The following CADPS2 variants were observed in gnomAD, a reference collection of about 807,000 sequenced individuals.
The protein encoded by CADPS2 is calcium dependent secretion activator 2.
In CADPS2, 93 loss-of-function variants were observed where a neutral mutation model predicts 172.5. The ratio of observed to expected loss-of-function variants is 0.54; its 90% CI spans 0.46 to 0.64. The LOEUF is 0.64. Ranked by LOEUF, CADPS2 falls within the 30% of genes least tolerant of loss-of-function variation. The pLI, the probability that CADPS2 is intolerant of heterozygous loss-of-function variation, is 0.00. For synonymous variants in CADPS2, 546 were observed against 555.2 expected, an observed-to-expected ratio of 0.98 and a Z score of 0.23; for missense variants, 1,420 against 1,565.9, an observed-to-expected ratio of 0.91 and a Z score of 1.57.
intron 6 of CADPS2, among the ~76,000 whole-genome samples, chr7:122,597,211 G>T (rs1038078658): frequency 6.6e-6 from 1 of 151,990 alleles, no homozygotes; most frequent in Non-Finnish European, 1.5e-5. Flanking sequence ...ATCATCATAC[G>T]TCAGTTAAAC....
intron 2 of CADPS2, chr7:122,698,497 G>C (rs747981010): frequency 8.1e-6 from 13 of 1,613,920 alleles, no homozygotes; most frequent in Non-Finnish European, 1.1e-5. Flanking sequence ...ATGAAACATG[G>C]GGAACACCTG....
chr7:122,410,312 C>A (rs1585743304), intron 19 of CADPS2, among the ~76,000 whole-genome samples: 1 of 152,036 alleles, frequency 6.6e-6, no homozygotes, highest in East Asian at 1.9e-4. Flanking sequence ...CCACTGCACT[C>A]CAGCCTGGGT....
At chr7:122,628,153 T>C (rs1192789893) in intron 4 of CADPS2, among the ~76,000 whole-genome samples, 2 of 152,182 alleles carry the variant, frequency 1.3e-5, no homozygotes. Context: ...TCTACATTTT[T>C]CTCTATTTTA....
At chr7:122,568,286 T>G (rs1341118541) in intron 7 of CADPS2, among the ~76,000 whole-genome samples, 5 of 151,906 alleles carry the variant, frequency 3.3e-5, no homozygotes, top group Non-Finnish European at 7.4e-5. Flanking sequence ...CTGAGGCAGC[T>G]AAGATAAAGT....
intron 1 of CADPS2, among the ~76,000 whole-genome samples, chr7:122,787,453 G>A (rs1794308872): frequency 6.6e-6 from 1 of 152,084 alleles, no homozygotes; most frequent in Non-Finnish European, 1.5e-5. Flanking sequence ...ATATTTCACT[G>A]CAAAGCCCAA....
intron 19 of CADPS2, among the ~76,000 whole-genome samples, chr7:122,411,430 G>A (rs1393613485): frequency 6.6e-6 from 1 of 151,862 alleles, no homozygotes; most frequent in Non-Finnish European, 1.5e-5. Flanking sequence ...ATGTTCGCCA[G>A]GCTGACCTTG....
intron 3 of CADPS2, among the ~76,000 whole-genome samples, chr7:122,631,164 T>C (rs963315512): frequency 3.9e-5 from 6 of 152,132 alleles, no homozygotes; most frequent in African/African-American, 7.2e-5. Context: ...AAATGTAATA[T>C]GAAATATATT....
intron 9 of CADPS2, among the ~76,000 whole-genome samples, chr7:122,498,130 T>C (rs2130227613): frequency 6.6e-6 from 1 of 152,262 alleles, no homozygotes; most frequent in East Asian, 1.9e-4. Context: ...GTATTTTTAA[T>C]AGAGACGGGG....
At chr7:122,788,469 T>C (rs1000632038) in intron 1 of CADPS2, among the ~76,000 whole-genome samples, 3 of 152,208 alleles carry the variant, frequency 2.0e-5, no homozygotes, top group Admixed American at 6.5e-5. Context: ...TTGATGCAAA[T>C]TGTGTGACCC....
intron 1 of CADPS2, among the ~76,000 whole-genome samples, chr7:122,866,044 TCTGGGAATGTGA>T (rs1305370300): frequency 2.6e-5 from 4 of 152,220 alleles, no homozygotes; most frequent in Admixed American, 6.5e-5. Flanking sequence ...AAGAATTTCT[TCTGGGAATGTGA>T]CTGGGAATGG....
intron 1 of CADPS2, among the ~76,000 whole-genome samples, chr7:122,874,446 T>C (rs2141580713): frequency 6.6e-6 from 1 of 152,218 alleles, no homozygotes; most frequent in East Asian, 1.9e-4. Flanking sequence ...ACCATGAAAA[T>C]GGCCACACTA....
At chr7:122,749,954 G>C (rs2092878548) in intron 1 of CADPS2, among the ~76,000 whole-genome samples, 1 of 144,636 alleles carries the variant, frequency 6.9e-6, no homozygotes, top group South Asian at 2.2e-4. Context: ...TTGTTCACCT[G>C]TGAGGTTAAA....
At chr7:122,461,298 G>A (rs532797780) in intron 14 of CADPS2, among the ~76,000 whole-genome samples, 1 of 152,138 alleles carries the variant, frequency 6.6e-6, no homozygotes, top group Non-Finnish European at 1.5e-5. Context: ...TTGTAGAAGA[G>A]ACAATATTTA....
At chr7:122,549,926 C>G (rs958285579) in intron 8 of CADPS2, among the ~76,000 whole-genome samples, 15 of 152,250 alleles carry the variant, frequency 9.9e-5, no homozygotes, top group African/African-American at 3.6e-4. Flanking sequence ...GCAAATACTA[C>G]CTCGACGCAG....
intron 14 of CADPS2, among the ~76,000 whole-genome samples, chr7:122,459,477 C>T (rs188386882): frequency 7.9e-5 from 12 of 152,252 alleles, no homozygotes; most frequent in Non-Finnish European, 1.6e-4. Flanking sequence ...AGCTTACACT[C>T]TGGCCTGCAG....
At chr7:122,381,073 C>G (rs1349031351) in intron 24 of CADPS2, among the ~76,000 whole-genome samples, 1 of 152,046 alleles carries the variant, frequency 6.6e-6, no homozygotes, top group African/African-American at 2.4e-5. Flanking sequence ...TATCTGAGAC[C>G]AGCTGAACAA....
chr7:122,746,892 A>AAG lies in CADPS2; in HGVS notation c.340-9826_340-9825dup, dbSNP rs1342942950. 2.0e-5 allele frequency among the ~76,000 whole-genome samples: 3 copies of AAG among 152,288 alleles called. No individual in the cohort carries two copies. The South Asian group carries it at 6.2e-4, about 32-fold the overall frequency. On this transcript the variant is annotated intron_variant, in intron 1 of 29. Transcript: ENST00000449022. Reference sequence around the variant, plus strand: ...TCCCTGAACATAGTAATAAGTAACTAAGAGAGAATTGGCAAGTCTTGTTGG... The same window carrying AAG: ...TCCCTGAACATAGTAATAAGTAACTAAGAGAGAGAATTGGCAAGTCTTGTTGG...
intron 29 of CADPS2, among the ~76,000 whole-genome samples, chr7:122,322,358 C>T (rs933052915): frequency 4.6e-5 from 7 of 152,154 alleles, no homozygotes; most frequent in South Asian, 2.1e-4. Flanking sequence ...TAATTAAGAC[C>T]GCTTTCTTAT....
At chr7:122,594,122 C>T (rs1563804959) in intron 6 of CADPS2, among the ~76,000 whole-genome samples, 1 of 151,870 alleles carries the variant, frequency 6.6e-6, no homozygotes, top group Non-Finnish European at 1.5e-5. Context: ...AAAGATAACA[C>T]AAAGTTATTT....
Sources: gnomAD v4.1 joint callset for allele counts (sites outside exome capture counted in the v4.1 genomes callset) on GRCh38, gnomAD v4.1.1 for gene constraint, MANE v1.5 for transcripts, NCBI Gene and HGNC (gene_info 2026-07-23, HGNC 2026-07-21) for gene names.